Variants in SEMA6A observed in about 807,000 individuals in gnomAD.
SEMA6A encodes the protein semaphorin 6A.
In SEMA6A, 25 loss-of-function variants were observed where a neutral mutation model predicts 96.8. The ratio of observed to expected loss-of-function variants is 0.26; its 90% CI spans 0.19 to 0.36. The LOEUF is 0.36. Ranked by LOEUF, SEMA6A falls within the 10% of genes least tolerant of loss-of-function variation. The probability of loss-of-function intolerance (pLI) is 1.00; values close to 1 mark genes in which losing one functional copy is unlikely to be tolerated. For synonymous variants in SEMA6A, 612 were observed against 518.0 expected (o/e 1.18, Z -2.46); for missense variants, 1,363 against 1,323.1 (o/e 1.03, Z -0.47).
intron 1 of SEMA6A, among the ~76,000 whole-genome samples, chr5:116,515,407 G>A (rs989035105): frequency 6.6e-6 from 1 of 152,144 alleles, no homozygotes; most frequent in Admixed American, 6.5e-5. Flanking sequence ...TGCTTGAGGT[G>A]TTGAGTATAT....
Position 116,525,000 on chromosome 5 carries a change from T to C in SEMA6A, c.-38-20018A>G, listed in dbSNP as rs138564761. On this transcript the variant is annotated intron_variant, in intron 1 of 18. Coordinates refer to ENST00000343348, the MANE Select transcript of SEMA6A (RefSeq NM_020796.5). ...TTTGCCATTAGTTTGATATTTATTT[T>C]GCATGTCTGCCCATTTGCCTATCTA... Among the ~76,000 whole-genome samples, 5 of 152,374 alleles carry C rather than the reference T, an allele frequency of 3.3e-5. 1 individual carries two copies. The East Asian group carries it at 9.6e-4, about 29-fold the overall frequency.
intron 1 of SEMA6A, among the ~76,000 whole-genome samples, chr5:116,559,576 T>C (rs1053187871): frequency 9.2e-5 from 14 of 152,130 alleles, no homozygotes; most frequent in African/African-American, 3.1e-4. Flanking sequence ...GTTGGTGCGC[T>C]CTCGGGGTTC....
chr5:116,560,744 T>A (rs1215982175), intron 1 of SEMA6A, among the ~76,000 whole-genome samples: 1 of 152,066 alleles, frequency 6.6e-6, no homozygotes, highest in South Asian at 2.1e-4. Flanking sequence ...TAAAATCACC[T>A]ACCATTTGCC....
At position 116,482,412 on chromosome 5, in the gene SEMA6A, T is replaced by C. The variant is rs1384353998; in HGVS notation, c.1094+32A>G. 1.9e-6 allele frequency: 3 copies of C among 1,603,102 alleles called. No individual in the cohort carries two copies. In the African/African-American group the frequency reaches 4.0e-5, roughly 21 times the overall value. Reference sequence around the variant, plus strand: ...GGTGCAAGCTTTGCCATTTCTAAAGTTTAAAATAGCCATATGAATATTTGC... The same window carrying C: ...GGTGCAAGCTTTGCCATTTCTAAAGCTTAAAATAGCCATATGAATATTTGC... On this transcript the variant is annotated intron_variant, in intron 11 of 18. Coordinates refer to ENST00000343348, the MANE Select transcript of SEMA6A (RefSeq NM_020796.5).
Position 116,466,131 on chromosome 5 carries a change from G to A in SEMA6A, c.1894+1452C>T, listed in dbSNP as rs550077311. Among the ~76,000 whole-genome samples the A allele has an allele frequency of 5.3e-5, 8 of 150,672 alleles. No homozygotes were observed. In the East Asian group the frequency reaches 9.8e-4, roughly 18 times the overall value. ...CAAGCCTGTAATCCCAGCACTTTGG[G>A]AAGCCGAGGCGGGTGGATCACCTGA... On this transcript the variant is annotated intron_variant, in intron 18 of 18. Coordinates refer to ENST00000343348, the MANE Select transcript of SEMA6A (RefSeq NM_020796.5).
rs370436738 is a variant in SEMA6A, at chr5:116,506,260, C to T, written c.-38-1278G>A. Reference sequence around the variant, plus strand: ...ACTGTAACTTATAATTTCACACACACAGCTGGGTCTTAATCATTTCTTCAA... The same window carrying T: ...ACTGTAACTTATAATTTCACACACATAGCTGGGTCTTAATCATTTCTTCAA... On this transcript the variant is annotated intron_variant, in intron 1 of 18. Transcript: ENST00000343348. Among the ~76,000 whole-genome samples the T allele has an allele frequency of 2.6e-5, 4 of 152,200 alleles. No individual in the cohort carries two copies. The East Asian group carries it at 7.7e-4, about 29-fold the overall frequency.
chr5:116,478,553 G>A lies in SEMA6A; in HGVS notation c.1416C>T (p.Tyr472=), dbSNP rs1756586158. The part of the protein sequence containing the change: ...DSLFLEEMSV[Y]NSEKCSYDGV... ...AATATTCCACTTACTTTTCAGAGTT[G>A]TAAACACTCATCTCCTCCAGGAAAA... Residue 472 remains tyrosine, a synonymous_variant, in exon 13 of 19, where the codon TAC becomes TAT. Coordinates refer to ENST00000343348, the MANE Select transcript of SEMA6A (RefSeq NM_020796.5). The A allele has an allele frequency of 6.2e-7, 1 of 1,611,104 alleles. No homozygotes were observed. Among genetic ancestry groups the A allele is most frequent in the Admixed American group, 1.7e-5 (1 of 59,668 alleles).
In SEMA6A at chr5:116,467,577, C is replaced by A. The variant is rs762810814; in HGVS notation, c.1894+6G>T. The A allele has an allele frequency of 7.4e-6, 12 of 1,611,608 alleles. No homozygotes were observed. In the South Asian group the frequency reaches 1.3e-4, roughly 18 times the overall value. ...CCGAGAGGAAGAGGCATTTCCAAGG[C>A]CTTACCCTTCTTGTCTTGGTGATTA... On this transcript the variant is annotated splice_donor_region_variant and intron_variant, in intron 18 of 18. Transcript: ENST00000343348.
At chr5:116,455,268 A>C (rs908974486) in intron 18 of SEMA6A, among the ~76,000 whole-genome samples, 9 of 152,294 alleles carry the variant, frequency 5.9e-5, no homozygotes, top group African/African-American at 1.7e-4. Context: ...TGATGTCTAG[A>C]CTAAGAGTCA....
At chr5:116,507,533 C>A (rs1327202352) in intron 1 of SEMA6A, among the ~76,000 whole-genome samples, 1 of 152,162 alleles carries the variant, frequency 6.6e-6, no homozygotes, top group Admixed American at 6.5e-5. Flanking sequence ...AGTTTATAAA[C>A]CTTGAGTGAG....
At chr5:116,544,765 G>A (rs1016083430) in intron 1 of SEMA6A, among the ~76,000 whole-genome samples, 3 of 152,184 alleles carry the variant, frequency 2.0e-5, no homozygotes, top group African/African-American at 7.2e-5. Flanking sequence ...ACCCTCCACT[G>A]ATAGAGGCAA....
chr5:116,495,562 A>T, intron 5 of SEMA6A, 48 bp from the exon 6 acceptor site: 1 of 1,338,074 alleles, frequency 7.5e-7, no homozygotes, highest in Non-Finnish European at 1.0e-6. Context: ...TCAGTACAGA[A>T]ACTGATTCTT....
At chr5:116,545,044 A>C (rs896273951) in intron 1 of SEMA6A, among the ~76,000 whole-genome samples, 2 of 151,808 alleles carry the variant, frequency 1.3e-5, no homozygotes, top group Non-Finnish European at 2.9e-5. Flanking sequence ...GACCTGAGTC[A>C]CCTCTGGTCA....
chr5:116,551,190 A>C (rs1411957343), intron 1 of SEMA6A, among the ~76,000 whole-genome samples: 5 of 152,156 alleles, frequency 3.3e-5, no homozygotes, highest in Admixed American at 6.5e-5. Flanking sequence ...GGGGAAAAGC[A>C]GAGGAAGCGA....
At chr5:116,491,598 A>C (rs1580430030) in intron 7 of SEMA6A, 142 bp downstream of exon 7, 1 of 659,516 alleles carries the variant, frequency 1.5e-6, no homozygotes, top group African/African-American at 1.8e-5. Flanking sequence ...TACTAATTTC[A>C]AACAGAAAGG....
Position 116,447,182 on chromosome 5 carries a change from C to A in SEMA6A, c.2524G>T (p.Ala842Ser). 6.2e-7 allele frequency: 1 copy of A among 1,614,040 alleles called. No homozygotes were observed. The highest frequency in any genetic ancestry group is 8.5e-7 in the Non-Finnish European group (1 of 1,179,898). ...AGTGTGGCGGCCTGGTCCTCCAGCGCCATCTGGGCCACCTCGCTCATTTTG... is the reference window on the plus strand; with the variant it reads ...AGTGTGGCGGCCTGGTCCTCCAGCGACATCTGGGCCACCTCGCTCATTTTG... ...QPKMSEVAQM[A>S]LEDQAATLEY... Residue 842 changes from alanine to serine, a missense_variant, in exon 19 of 19, where the codon GCG becomes TCG. By Grantham distance (99) the Ala-to-Ser change is moderately conservative. Transcript: ENST00000343348.
At chr5:116,563,824 A>G (rs964879612) in intron 1 of SEMA6A, among the ~76,000 whole-genome samples, 3 of 152,248 alleles carry the variant, frequency 2.0e-5, no homozygotes, top group Non-Finnish European at 2.9e-5. Context: ...TAAAATGAAC[A>G]GAACCTATTT....
chr5:116,464,779 T>A (rs954639492), intron 18 of SEMA6A, among the ~76,000 whole-genome samples: 1 of 152,068 alleles, frequency 6.6e-6, no homozygotes, highest in Non-Finnish European at 1.5e-5. Flanking sequence ...GCAAACATAC[T>A]CTGGAAATGG....
rs1486641078 is a variant in SEMA6A at position 116,446,412 on chromosome 5, C to T, written c.*201G>A. ...AAGGAAGAGAATGAAGGTGAGTCCC[C>T]GCCGTTGCAAACCTTCACCAAACCA... On this transcript the variant is annotated 3_prime_UTR_variant, in exon 19 of 19. Coordinates refer to ENST00000343348, the MANE Select transcript of SEMA6A (RefSeq NM_020796.5). The T allele has an allele frequency of 1.3e-5, 6 of 478,886 alleles. No individual in the cohort carries two copies. The highest frequency in any genetic ancestry group is 1.9e-5 in the African/African-American group (1 of 51,386). The allele number at this position is 478,886 out of a possible 1,614,324, so 29.7% of individuals were successfully genotyped here.
Sources: allele counts gnomAD v4.1 joint callset (sites outside exome capture counted in the v4.1 genomes callset), GRCh38; gene constraint gnomAD v4.1.1; transcripts MANE v1.5; gene names NCBI Gene and HGNC (gene_info 2026-07-23, HGNC 2026-07-21).